Variants in COG1 observed in about 807,000 individuals in gnomAD.
COG1 encodes component of oligomeric golgi complex 1.
COG1 carries 61 observed loss-of-function variants against 102.2 expected under a neutral mutation model. The observed-to-expected ratio is 0.60, with a 90% CI of 0.49 to 0.74. COG1 has a LOEUF of 0.74. Among genes scored for constraint, COG1 ranks in the 30% least tolerant of loss-of-function variants. COG1 has a pLI of 0.00. For missense variants in COG1, 1,164 were observed against 1,232.1 expected (o/e 0.94, Z 0.83); for synonymous variants, 454 against 493.6 (o/e 0.92, Z 1.06).
intron 8 of COG1, chr17:73,203,370 AG>A (rs1251516917): frequency 2.8e-6 from 2 of 713,744 alleles, no homozygotes; most frequent in Admixed American, 2.5e-5. Flanking sequence ...TGTGCTAATT[AG>A]GGAACCACTT....
rs117208167 is a variant in COG1, at chr17:73,197,386, G to C, written c.903G>C (p.Gln301His). The C allele has an allele frequency of 8.1e-3, 13,152 of 1,614,104 alleles. 67 individuals carry two copies. Among genetic ancestry groups the C allele is most frequent in the Non-Finnish European group, 9.5e-3 (11,163 of 1,180,034 alleles). Residue 301 changes from glutamine (Q) to histidine (H), a missense_variant, in exon 4 of 14, where the codon CAG becomes CAC. By Grantham distance (24) the Gln-to-His change is conservative. Transcript: ENST00000299886. ...LFSTLETITG[Q>H]HPAGKGTGVL... ...CTACTCTGGAGACCATCACAGGCCA[G>C]CATCCTGCCGGTGAGCTCTTAGCCA...
At chr17:73,204,540 C>T (rs998550055) in intron 9 of COG1, among the ~76,000 whole-genome samples, 5 of 151,004 alleles carry the variant, frequency 3.3e-5, no homozygotes, top group African/African-American at 1.2e-4. Context: ...TGTATAATCC[C>T]ATTTCATTAG....
At chr17:73,195,615 A>G (rs1204358458) in intron 1 of COG1, among the ~76,000 whole-genome samples, 1 of 146,046 alleles carries the variant, frequency 6.8e-6, no homozygotes, top group Non-Finnish European at 1.5e-5. Context: ...TGCTGTCCCA[A>G]AAAAAAAAAA....
chr17:73,193,169 G>C lies in COG1; in HGVS notation c.100G>C (p.Glu34Gln), dbSNP rs1393273337. Reference protein sequence around the residue: ...THGAEEIRGLERQVRAEIEHK... With the variant: ...THGAEEIRGLQRQVRAEIEHK... ...TGGAGCGGAGGAGATCCGCGGGCTG[G>C]AGCGCCAGGTTCGGGCCGAGATCGA... Residue 34 changes from glutamate (E) to glutamine (Q), a missense_variant, in exon 1 of 14, where the codon GAG becomes CAG. Glu to Gln is a conservative substitution (Grantham distance 29). Transcript: ENST00000299886. 1 of 1,608,202 alleles carries C rather than the reference G, an allele frequency of 6.2e-7. No homozygotes were observed. Among genetic ancestry groups the C allele is most frequent in the Non-Finnish European group, 8.5e-7 (1 of 1,178,000 alleles).
chr17:73,200,446 T>G, intron 5 of COG1, 120 bp from the exon 6 acceptor site: 2 of 965,106 alleles, frequency 2.1e-6, no homozygotes, highest in Non-Finnish European at 3.4e-6. Flanking sequence ...CTGAGACACA[T>G]AGATATTTAT....
At chr17:73,208,272 T>C in intron 13 of COG1, 42 bp from the exon 14 acceptor site, 2 of 1,611,778 alleles carry the variant, frequency 1.2e-6, no homozygotes, top group Non-Finnish European at 1.7e-6. Flanking sequence ...GCAGGAGGGC[T>C]CAGGCCAACT....
rs1468359591 is a variant in COG1, at chr17:73,197,280, T to G, written c.797T>G (p.Leu266Arg). The G allele has an allele frequency of 1.2e-6, 2 of 1,614,134 alleles. No individual in the cohort carries two copies. The highest frequency in any genetic ancestry group is 8.5e-7 in the Non-Finnish European group (1 of 1,180,058). Residue 266 changes from leucine (L) to arginine (R), a missense_variant, in exon 4 of 14, where the codon CTG becomes CGG. By Grantham distance (102) the Leu-to-Arg change is moderately radical (BLOSUM62 -2). Coordinates refer to ENST00000299886, the MANE Select transcript of COG1 (RefSeq NM_018714.3). The part of the protein sequence containing the change: ...CSLVELLATT[L>R]KQAHALFYTL... ...TTAGTGGAGTTGCTGGCCACCACTCTGAAGCAAGCTCATGCCCTTTTCTAC... is the reference window on the plus strand; with the variant it reads ...TTAGTGGAGTTGCTGGCCACCACTCGGAAGCAAGCTCATGCCCTTTTCTAC...
At position 73,200,590 on chromosome 17, in the gene COG1, G is replaced by C. The variant is rs1396802493; in HGVS notation, c.1095G>C (p.Gly365=). The change falls in exon 6 of 14, where the codon GGG becomes GGC. Residue 365 remains glycine (G), a synonymous_variant. Transcript: ENST00000299886. The part of the protein sequence containing the change: ...IHMCNEDIKN[G]ITNLLMYVKS... Reference sequence around the variant, plus strand: ...GGTGTAATGAAGACATTAAAAATGGGATCACCAACCTGCTCATGTACGTGA... The same window carrying C: ...GGTGTAATGAAGACATTAAAAATGGCATCACCAACCTGCTCATGTACGTGA... The C allele has an allele frequency of 3.7e-6, 6 of 1,614,056 alleles. No homozygotes were observed. Among genetic ancestry groups the C allele is most frequent in the African/African-American group, 2.7e-5 (2 of 74,920 alleles).
At position 73,203,634 on chromosome 17, in the gene COG1, G is replaced by A. The variant is rs147260793; in HGVS notation, c.2223G>A (p.Pro741=). ...VTSKIRLPAQ[P]SWYVQSFLFS... Reference sequence around the variant, plus strand: ...GTGACATTTCTTTGTTCTTTTAGCCGTCCTGGTATGTACAGTCCTTCCTGT... The same window carrying A: ...GTGACATTTCTTTGTTCTTTTAGCCATCCTGGTATGTACAGTCCTTCCTGT... Residue 741 remains proline, a splice_region_variant and synonymous_variant, in exon 9 of 14, where the codon CCG becomes CCA. Transcript: ENST00000299886. 70 of 1,614,212 alleles carry A rather than the reference G, an allele frequency of 4.3e-5. No homozygotes were observed. In the Middle Eastern group the frequency reaches 4.9e-4, roughly 11 times the overall value.
chr17:73,201,858 G>A lies in COG1; in HGVS notation c.2031G>A (p.Gln677=). Residue 677 remains glutamine, a synonymous_variant, in exon 7 of 14, where the codon CAG becomes CAA. Coordinates refer to ENST00000299886, the MANE Select transcript of COG1 (RefSeq NM_018714.3). ...AGGTTAAAGAAGTACTCCTCCAGCAGAGCGTGATGGGCTACCAGGTCTGGA... is the reference window on the plus strand; with the variant it reads ...AGGTTAAAGAAGTACTCCTCCAGCAAAGCGTGATGGGCTACCAGGTCTGGA... The part of the protein sequence containing the change: ...WQEVKEVLLQ[Q]SVMGYQVWSS... The A allele has an allele frequency of 6.2e-7, 1 of 1,614,236 alleles. No homozygotes were observed. Among genetic ancestry groups the A allele is most frequent in the Non-Finnish European group, 8.5e-7 (1 of 1,180,048 alleles).
Position 73,201,506 on chromosome 17 carries a change from A to T in COG1, c.1679A>T (p.Tyr560Phe), listed in dbSNP as rs769375105. The change falls in exon 7 of 14, where the codon TAC becomes TTC. Residue 560 changes from tyrosine to phenylalanine, a missense_variant. By Grantham distance (22) the Tyr-to-Phe change is conservative (BLOSUM62 3). Coordinates refer to ENST00000299886, the MANE Select transcript of COG1 (RefSeq NM_018714.3). ...GCCAAGAGTTCTGCCTTTGACAGAT[A>T]CGCAGATGCGGGGACCGTGCAGGAG... Reference protein sequence around the residue: ...TQAKSSAFDRYADAGTVQEML... With the variant: ...TQAKSSAFDRFADAGTVQEML... 6.2e-7 allele frequency: 1 copy of T among 1,614,244 alleles called. No individual in the cohort carries two copies. Among genetic ancestry groups the T allele is most frequent in the Non-Finnish European group, 8.5e-7 (1 of 1,180,042 alleles).
Position 73,193,290 on chromosome 17 carries a change from T to C in COG1, c.221T>C (p.Val74Ala). 6.3e-7 allele frequency: 1 copy of C among 1,597,848 alleles called. No homozygotes were observed. Among genetic ancestry groups the C allele is most frequent in the Non-Finnish European group, 8.5e-7 (1 of 1,173,992 alleles). ...ATCGGCCAGATGCGCCGCTGCGCCG[T>C]GGGGCTAGTGGACGCCGTGAAGGCC... ...DTIGQMRRCA[V>A]GLVDAVKATD... The change falls in exon 1 of 14, where the codon GTG becomes GCG. Residue 74 changes from valine to alanine, a missense_variant. Coordinates refer to ENST00000299886, the MANE Select transcript of COG1 (RefSeq NM_018714.3).
chr17:73,204,395 G>A (rs941000512), intron 9 of COG1, among the ~76,000 whole-genome samples: 5 of 151,702 alleles, frequency 3.3e-5, no homozygotes, highest in African/African-American at 1.2e-4. Flanking sequence ...ACCTACCTCA[G>A]GGGTGACTGT....
intron 9 of COG1, chr17:73,205,342 G>A (rs915504691): frequency 8.6e-6 from 5 of 579,340 alleles, no homozygotes; most frequent in African/African-American, 7.5e-5. Context: ...TAAGGGCCAG[G>A]TCTCTTCCCT....
intron 7 of COG1, among the ~76,000 whole-genome samples, chr17:73,202,626 A>G (rs2061351707): frequency 6.6e-6 from 1 of 152,098 alleles, no homozygotes; most frequent in Non-Finnish European, 1.5e-5. Flanking sequence ...CCTATCTACA[A>G]AAAGTACAGA....
intron 10 of COG1, chr17:73,205,932 G>C (rs529483034): frequency 1.5e-6 from 1 of 659,856 alleles, no homozygotes; most frequent in South Asian, 1.8e-5. Context: ...TATCATTTGA[G>C]CCCTTAGTGC....
intron 1 of COG1, among the ~76,000 whole-genome samples, 185 bp downstream of exon 1, chr17:73,193,569 A>AT (rs1343046983): frequency 6.6e-6 from 1 of 151,924 alleles, no homozygotes; most frequent in East Asian, 1.9e-4. Context: ...TTCCTTGCAC[A>AT]TATGCGGCTG....
rs552223280 is a variant in COG1, at chr17:73,201,508, G to A, written c.1681G>A (p.Ala561Thr). Residue 561 changes from alanine (A) to threonine (T), a missense_variant, in exon 7 of 14, where the codon GCA (alanine) becomes ACA (threonine). Physicochemically the swap from Ala to Thr is moderately conservative, Grantham distance 58 (BLOSUM62 0). Transcript: ENST00000299886. ...QAKSSAFDRY[A>T]DAGTVQEMLR... The stretch of plus-strand genomic sequence containing the variant: ...CAAGAGTTCTGCCTTTGACAGATAC[G>A]CAGATGCGGGGACCGTGCAGGAGAT... 44 of 1,614,104 alleles carry A rather than the reference G, an allele frequency of 2.7e-5. No homozygotes were observed. Among genetic ancestry groups the A allele is most frequent in the South Asian group, 2.4e-4 (22 of 91,088 alleles).
At chr17:73,195,653 C>T (rs964968781) in intron 1 of COG1, among the ~76,000 whole-genome samples, 20 of 150,404 alleles carry the variant, frequency 1.3e-4, no homozygotes, top group Non-Finnish European at 2.8e-4. Flanking sequence ...GTGGCTCAGG[C>T]CTGTTATCCC....
Sources: gnomAD v4.1 joint callset for allele counts (sites outside exome capture counted in the v4.1 genomes callset) on GRCh38, gnomAD v4.1.1 for gene constraint, MANE v1.5 for transcripts, NCBI Gene and HGNC (gene_info 2026-07-23, HGNC 2026-07-21) for gene names.